Variants in TAOK3 observed in about 807,000 individuals in gnomAD.
The protein encoded by TAOK3 is TAO kinase 3.
In TAOK3, 40 loss-of-function variants were observed where a neutral mutation model predicts 120.4. The ratio of observed to expected loss-of-function variants is 0.33; its 90% CI spans 0.26 to 0.43. The LOEUF is 0.43. TAOK3 is among the 20% of genes least tolerant of loss of function. TAOK3 has a pLI of 1.00. For missense variants in TAOK3, 821 were observed against 1,112.1 expected (o/e 0.74, Z 3.72); for synonymous variants, 355 against 387.5 (o/e 0.92, Z 0.99).
intron 1 of TAOK3, among the ~76,000 whole-genome samples, chr12:118,270,757 C>T (rs1467494012): frequency 1.3e-5 from 2 of 151,000 alleles, no homozygotes; most frequent in South Asian, 2.1e-4. Flanking sequence ...TCACTGCAAG[C>T]TCCGCCTCCC....
At chr12:118,349,493 TGTCA>T (rs1356427545) in intron 1 of TAOK3, among the ~76,000 whole-genome samples, 1 of 152,314 alleles carries the variant, frequency 6.6e-6, no homozygotes, top group East Asian at 1.9e-4. Flanking sequence ...TAAGTGAAGA[TGTCA>T]GACACAAAAA....
chr12:118,329,864 T>C (rs1217789640), intron 1 of TAOK3, among the ~76,000 whole-genome samples: 1 of 152,168 alleles, frequency 6.6e-6, no homozygotes, highest in Non-Finnish European at 1.5e-5. Context: ...CCGCCAGGAC[T>C]CAGAAATGAA....
intron 12 of TAOK3, chr12:118,199,791 G>T: frequency 6.3e-6 from 1 of 158,440 alleles, no homozygotes; most frequent in African/African-American, 2.4e-5. Flanking sequence ...TCCTGGACAG[G>T]TAATTAAAGT....
intron 13 of TAOK3, among the ~76,000 whole-genome samples, chr12:118,197,216 G>C (rs75006977): frequency 0.055 from 8,319 of 152,154 alleles, 441 homozygotes; most frequent in East Asian, 0.23. Context: ...ATTTGCAAAT[G>C]TGTTTTGATT....
At chr12:118,233,284 GGA>G (rs1324291998) in intron 9 of TAOK3, among the ~76,000 whole-genome samples, 1 of 150,994 alleles carries the variant, frequency 6.6e-6, no homozygotes, top group African/African-American at 2.4e-5. Flanking sequence ...GATAGCATTA[GGA>G]GATATACCTA....
chr12:118,315,195 G>T (rs557666603), intron 1 of TAOK3, among the ~76,000 whole-genome samples: 1 of 152,260 alleles, frequency 6.6e-6, no homozygotes, highest in South Asian at 2.1e-4. Context: ...AAAGTGCTGG[G>T]ATTACAGGCG....
intron 1 of TAOK3, among the ~76,000 whole-genome samples, chr12:118,292,600 G>A (rs2042527218): frequency 6.6e-6 from 1 of 152,200 alleles, no homozygotes; most frequent in African/African-American, 2.4e-5. Flanking sequence ...AACATGGACA[G>A]TAGAGCTGGA....
chr12:118,351,175 T>C (rs1331963050), intron 1 of TAOK3, among the ~76,000 whole-genome samples: 1 of 152,008 alleles, frequency 6.6e-6, no homozygotes, highest in African/African-American at 2.4e-5. Context: ...TAAAACTCTG[T>C]CTCAAGAAAA....
rs11380296 is a variant in TAOK3, at chr12:118,193,049, G to GTTTTTTTT, written c.1195-3116_1195-3109dup. Among the ~76,000 whole-genome samples, 34 of 107,384 alleles carry GTTTTTTTT rather than the reference G, an allele frequency of 3.2e-4. 1 individual carries two copies. The highest frequency in any genetic ancestry group is 5.7e-4 in the East Asian group (2 of 3,512). 70.4% of individuals were successfully genotyped at this position (107,384 alleles called of 152,430 possible). The stretch of plus-strand genomic sequence containing the variant: ...AACCTGGTAAACTTACCACGTTGTT[G>GTTTTTTTT]TTTTTTTTTTTTTTTTTTTTTGAGA... On this transcript the variant is annotated intron_variant, in intron 13 of 20. Transcript: ENST00000392533.
At chr12:118,221,008 G>A (rs1320420992) in intron 9 of TAOK3, among the ~76,000 whole-genome samples, 1 of 152,168 alleles carries the variant, frequency 6.6e-6, no homozygotes, top group Non-Finnish European at 1.5e-5. Context: ...ATGGCCCATG[G>A]GCCAAATTCA....
At chr12:118,360,444 T>A (rs2045556678) in intron 1 of TAOK3, among the ~76,000 whole-genome samples, 2 of 146,800 alleles carry the variant, frequency 1.4e-5, no homozygotes, top group Admixed American at 6.8e-5. Context: ...GGTGGGCACC[T>A]GTAGTTCCAG....
At chr12:118,315,084 C>T (rs1186405918) in intron 1 of TAOK3, among the ~76,000 whole-genome samples, 3 of 152,090 alleles carry the variant, frequency 2.0e-5, no homozygotes, top group East Asian at 1.9e-4. Flanking sequence ...GCATGTGCCA[C>T]CACCCCTGGC....
At chr12:118,164,512 G>T (rs1046902371) in intron 17 of TAOK3, among the ~76,000 whole-genome samples, 1 of 151,848 alleles carries the variant, frequency 6.6e-6, no homozygotes, top group Non-Finnish European at 1.5e-5. Context: ...CCGCCTCCAG[G>T]GTTCAAGCAA....
At chr12:118,186,506 C>T (rs1461735648) in intron 14 of TAOK3, among the ~76,000 whole-genome samples, 1 of 152,116 alleles carries the variant, frequency 6.6e-6, no homozygotes, top group Non-Finnish European at 1.5e-5. Context: ...AAATATGAGG[C>T]TCTCCATAAA....
rs1330120531 is a variant in TAOK3 at position 118,254,325 on chromosome 12, T to C, written c.120+1123A>G. Among the ~76,000 whole-genome samples the C allele has an allele frequency of 2.6e-5, 4 of 152,106 alleles. No individual in the cohort carries two copies. In the East Asian group the frequency reaches 7.7e-4, roughly 29 times the overall value. On this transcript the variant is annotated intron_variant, in intron 3 of 20. Transcript: ENST00000392533. The stretch of plus-strand genomic sequence containing the variant: ...TATCCACCATCCATCCATCCATCCA[T>C]CCATCCATCCACCCATCCATTATTT...
intron 14 of TAOK3, among the ~76,000 whole-genome samples, chr12:118,189,529 G>GACACACACAC (rs1262640332): frequency 1.2e-5 from 1 of 83,326 alleles, no homozygotes; most frequent in Non-Finnish European, 2.3e-5. Flanking sequence ...AACACACACA[G>GACACACACAC]ACACAGACAC....
At chr12:118,309,868 T>C (rs1260733624) in intron 1 of TAOK3, among the ~76,000 whole-genome samples, 2 of 152,136 alleles carry the variant, frequency 1.3e-5, no homozygotes, top group East Asian at 3.9e-4. Context: ...TAGCAGATTA[T>C]CCACAATTAT....
intron 14 of TAOK3, 107 bp downstream of exon 14, chr12:118,189,700 T>G: frequency 1.5e-6 from 2 of 1,337,832 alleles, no homozygotes; most frequent in Admixed American, 4.4e-5. Context: ...CATTCTTGAC[T>G]CCTTTCCTCC....
chr12:118,292,241 C>T (rs2042512471), intron 1 of TAOK3, among the ~76,000 whole-genome samples: 1 of 152,196 alleles, frequency 6.6e-6, no homozygotes, highest in African/African-American at 2.4e-5. Context: ...TAAAATATCA[C>T]TTACATTGAT....
Sources: gnomAD v4.1 joint callset for allele counts (sites outside exome capture counted in the v4.1 genomes callset) on GRCh38, gnomAD v4.1.1 for gene constraint, MANE v1.5 for transcripts, NCBI Gene and HGNC (gene_info 2026-07-23, HGNC 2026-07-21) for gene names.